The following GDI2 variants were observed in gnomAD, a reference collection of about 807,000 sequenced individuals.
The protein encoded by GDI2 is GDP dissociation inhibitor 2, also known as rab GDP dissociation inhibitor beta.
A neutral mutation model predicts 54.2 loss-of-function variants in GDI2; 22 were observed. The ratio of observed to expected loss-of-function variants is 0.41; its 90% CI spans 0.29 to 0.58. The LOEUF is 0.58. GDI2 is among the 20% of genes least tolerant of loss of function. The probability of loss-of-function intolerance (pLI) is 0.35; values close to 1 mark genes in which losing one functional copy is unlikely to be tolerated. For missense variants in GDI2, 422 were observed against 546.0 expected, an observed-to-expected ratio of 0.77 and a Z score of 2.26; for synonymous variants, 177 against 182.1, an observed-to-expected ratio of 0.97 and a Z score of 0.23.
intron 6 of GDI2, among the ~76,000 whole-genome samples, chr10:5,775,241 T>C (rs1840593188): frequency 6.6e-6 from 1 of 152,114 alleles, no homozygotes; most frequent in Non-Finnish European, 1.5e-5. Context: ...TAAGTCGTGA[T>C]CACACCACTG....
At chr10:5,812,594 G>C (rs943101252) in intron 1 of GDI2, among the ~76,000 whole-genome samples, 16 of 152,232 alleles carry the variant, frequency 1.1e-4, no homozygotes, top group Admixed American at 2.0e-4. Flanking sequence ...AGTGAGAAGG[G>C]AGGGTGGCTA....
At chr10:5,795,055 T>C (rs1371542912) in intron 3 of GDI2, 36 bp from the exon 4 acceptor site, 9 of 1,398,652 alleles carry the variant, frequency 6.4e-6, no homozygotes, top group Non-Finnish European at 9.0e-6. Flanking sequence ...ATAACTTAAG[T>C]CTATAAATTA....
At chr10:5,809,227 AGAGT>A (rs1169125901) in intron 1 of GDI2, among the ~76,000 whole-genome samples, 3 of 146,978 alleles carry the variant, frequency 2.0e-5, no homozygotes, top group African/African-American at 7.5e-5. Context: ...CCTGGGCAAC[AGAGT>A]GAGACTCCAT....
intron 1 of GDI2, among the ~76,000 whole-genome samples, chr10:5,803,925 G>A (rs1367675464): frequency 6.6e-6 from 1 of 152,036 alleles, no homozygotes; most frequent in Non-Finnish European, 1.5e-5. Context: ...AGATGTCAAA[G>A]AACAATCTTA....
chr10:5,805,330 T>C (rs1022398685), intron 1 of GDI2, among the ~76,000 whole-genome samples: 1 of 143,472 alleles, frequency 7.0e-6, no homozygotes, highest in South Asian at 2.2e-4. Flanking sequence ...TCTGAGTTAG[T>C]AGGTCTGAGG....
intron 6 of GDI2, among the ~76,000 whole-genome samples, chr10:5,780,344 G>C (rs1337819170): frequency 6.9e-6 from 1 of 145,706 alleles, no homozygotes; most frequent in Non-Finnish European, 1.5e-5. Flanking sequence ...ATATTTACTA[G>C]ATTCCCCGTA....
chr10:5,793,533 C>T (rs1460323925), intron 4 of GDI2, among the ~76,000 whole-genome samples: 1 of 152,046 alleles, frequency 6.6e-6, no homozygotes, highest in Non-Finnish European at 1.5e-5. Context: ...ATATTTTATA[C>T]CCAATATTTT....
intron 6 of GDI2, among the ~76,000 whole-genome samples, chr10:5,779,883 G>A (rs1204429491): frequency 1.3e-5 from 2 of 151,890 alleles, no homozygotes; most frequent in African/African-American, 4.8e-5. Context: ...TCTAGAGACA[G>A]GGTTTCACCA....
At chr10:5,778,589 T>A (rs1445068112) in intron 6 of GDI2, among the ~76,000 whole-genome samples, 3 of 152,214 alleles carry the variant, frequency 2.0e-5, no homozygotes, top group African/African-American at 7.2e-5. Flanking sequence ...TTAGTTATGC[T>A]TTTTTAAACA....
chr10:5,794,842 T>TGAGAAAATAAAACTAGTTACTA (rs1396750839), intron 4 of GDI2, 43 bp downstream of exon 4: 2 of 1,353,508 alleles, frequency 1.5e-6, no homozygotes, highest in Admixed American at 1.9e-5. Context: ...CTCATTATTC[T>TGAGAAAATAAAACTAGTTACTA]GAGAAAATAA....
chr10:5,779,729 T>A (rs1840709931), intron 6 of GDI2, among the ~76,000 whole-genome samples: 1 of 150,144 alleles, frequency 6.7e-6, no homozygotes, highest in South Asian at 2.1e-4. Context: ...GGTCCTGCTC[T>A]GTCACCCACA....
intron 6 of GDI2, among the ~76,000 whole-genome samples, chr10:5,782,347 G>A (rs554482883): frequency 4.6e-4 from 70 of 152,284 alleles, no homozygotes; most frequent in Admixed American, 7.2e-4. Flanking sequence ...GTGGAGCAAC[G>A]AGAACTCTCA....
chr10:5,804,051 T>C (rs1841322711), intron 1 of GDI2, among the ~76,000 whole-genome samples: 1 of 152,016 alleles, frequency 6.6e-6, no homozygotes, highest in Non-Finnish European at 1.5e-5. Context: ...TTAAATTACT[T>C]ACCATGAGGT....
rs771800288 is a variant in GDI2 at position 5,768,388 on chromosome 10, T to C, written c.820-4A>G. ...TGAGCTGCTTACAGCGAGCAATCTA[T>C]AACAAAGCATTTAAGAAGACACTGA... On this transcript the variant is annotated splice_polypyrimidine_tract_variant and splice_region_variant and intron_variant, in intron 7 of 10. Coordinates refer to ENST00000380191, the MANE Select transcript of GDI2 (RefSeq NM_001494.4). The surrounding 1 kb of genome is among the most constrained non-coding windows in gnomAD (Gnocchi z 4.4). The C allele has an allele frequency of 4.1e-5, 65 of 1,600,334 alleles. No homozygotes were observed. The Middle Eastern group carries it at 5.0e-4, about 12-fold the overall frequency.
intron 2 of GDI2, among the ~76,000 whole-genome samples, 198 bp downstream of exon 2, chr10:5,800,400 A>G (rs1207818995): frequency 2.0e-5 from 3 of 152,232 alleles, no homozygotes; most frequent in Non-Finnish European, 4.4e-5. Flanking sequence ...TAATGCTAAG[A>G]GATAACTGCT....
Position 5,813,422 on chromosome 10 carries a change from G to A in GDI2, c.-164C>T. On this transcript the variant is annotated 5_prime_UTR_variant, in exon 1 of 11. Coordinates refer to ENST00000380191, the MANE Select transcript of GDI2 (RefSeq NM_001494.4). ...CGAGACCGACCGCCACCTCAGACGGGAAGAGAAGAACTGGGCGGGGAGAGG... is the reference window on the plus strand; with the variant it reads ...CGAGACCGACCGCCACCTCAGACGGAAAGAGAAGAACTGGGCGGGGAGAGG... The A allele has an allele frequency of 3.0e-6, 1 of 331,368 alleles. No individual in the cohort carries two copies. The highest frequency in any genetic ancestry group is 4.1e-5 in the Admixed American group (1 of 24,146). The allele number at this position is 331,368 out of a possible 1,614,324, so 20.5% of individuals were successfully genotyped here.
intron 7 of GDI2, among the ~76,000 whole-genome samples, chr10:5,772,795 A>G (rs377474699): frequency 2.6e-5 from 4 of 152,192 alleles, no homozygotes; most frequent in African/African-American, 9.7e-5. Context: ...ATTTTAGTAG[A>G]TAAAACACAC....
At chr10:5,800,175 C>G (rs959076943) in intron 2 of GDI2, among the ~76,000 whole-genome samples, 2 of 151,940 alleles carry the variant, frequency 1.3e-5, no homozygotes, top group Admixed American at 1.3e-4. Flanking sequence ...AAGTAGGAAA[C>G]AAGGCAGTAT....
intron 2 of GDI2, among the ~76,000 whole-genome samples, chr10:5,797,203 G>A (rs1841165209): frequency 6.6e-6 from 1 of 152,054 alleles, no homozygotes; most frequent in South Asian, 2.1e-4. Context: ...TTGAGGTCAG[G>A]AGTTTGAGAC....
Sources: allele counts gnomAD v4.1 joint callset (sites outside exome capture counted in the v4.1 genomes callset), GRCh38; gene constraint gnomAD v4.1.1; non-coding constraint Gnocchi (gnomAD v3.1); transcripts MANE v1.5; gene names NCBI Gene and HGNC (gene_info 2026-07-23, HGNC 2026-07-21).